DLG2: variants seen among roughly 807,000 people sequenced by gnomAD.
DLG2 encodes the protein disks large homolog 2.
In DLG2, 45 loss-of-function variants were observed where a neutral mutation model predicts 132.5. The ratio of observed to expected loss-of-function variants is 0.34; its 90% CI spans 0.27 to 0.44. DLG2 has a LOEUF of 0.44. Among genes scored for constraint, DLG2 ranks in the 20% least tolerant of loss-of-function variants. The pLI is 1.00. For synonymous variants in DLG2, 424 were observed against 419.6 expected (o/e 1.01, Z -0.13); for missense variants, 1,045 against 1,196.9 (o/e 0.87, Z 1.87).
At chr11:83,872,051 G>A (rs1348062005) in intron 16 of DLG2, among the ~76,000 whole-genome samples, 1 of 152,078 alleles carries the variant, frequency 6.6e-6, no homozygotes, top group Non-Finnish European at 1.5e-5. Context: ...AGATCACAAG[G>A]TCAGGCGTTT....
At chr11:83,841,900 C>T (rs1419396793) in intron 16 of DLG2, among the ~76,000 whole-genome samples, 4 of 152,120 alleles carry the variant, frequency 2.6e-5, no homozygotes, top group Admixed American at 6.5e-5. Flanking sequence ...TGTAAACAAA[C>T]GCTTATAGAA....
chr11:84,795,466 A>T (rs1367363643), intron 6 of DLG2, among the ~76,000 whole-genome samples: 2 of 152,116 alleles, frequency 1.3e-5, no homozygotes, highest in African/African-American at 4.8e-5. Context: ...GACACTCATC[A>T]GGATGACCTG....
chr11:84,527,232 C>T (rs1489773058), intron 7 of DLG2, among the ~76,000 whole-genome samples: 1 of 152,098 alleles, frequency 6.6e-6, no homozygotes, highest in South Asian at 2.1e-4. Flanking sequence ...TATGACCAGT[C>T]GGGGTTGGCC....
At chr11:84,168,309 T>C (rs2095719443) in intron 8 of DLG2, among the ~76,000 whole-genome samples, 1 of 152,234 alleles carries the variant, frequency 6.6e-6, no homozygotes. Context: ...TCTTTGTCGT[T>C]TACATAGATT....
At chr11:85,150,010 A>ATTTTTTTTTTTTGTTTTTTTT (rs2077120634) in intron 5 of DLG2, among the ~76,000 whole-genome samples, 1 of 112,310 alleles carries the variant, frequency 8.9e-6, no homozygotes, top group Non-Finnish European at 1.8e-5. Flanking sequence ...TCAGTTTTTA[A>ATTTTTTTTTTTTGTTTTTTTT]TTTTTTTTTT....
At chr11:84,788,661 C>T (rs1167195286) in intron 6 of DLG2, among the ~76,000 whole-genome samples, 1 of 151,932 alleles carries the variant, frequency 6.6e-6, no homozygotes, top group Non-Finnish European at 1.5e-5. Context: ...CTAAATAATA[C>T]AGTTAAAATT....
chr11:84,654,045 T>C (rs146145602), intron 6 of DLG2, among the ~76,000 whole-genome samples: 1 of 152,160 alleles, frequency 6.6e-6, no homozygotes, highest in Non-Finnish European at 1.5e-5. Context: ...TAATAGAATA[T>C]GAAGTGGTGT....
chr11:84,318,177 A>T (rs1002793237), intron 7 of DLG2, among the ~76,000 whole-genome samples: 1 of 152,194 alleles, frequency 6.6e-6, no homozygotes. Flanking sequence ...AAATGAGCTA[A>T]TTTTTTCTAA....
At chr11:83,761,011 C>G (rs1365298625) in intron 18 of DLG2, among the ~76,000 whole-genome samples, 2 of 152,116 alleles carry the variant, frequency 1.3e-5, no homozygotes, top group Non-Finnish European at 2.9e-5. Flanking sequence ...TTTTTCTTTT[C>G]AGATTTATGC....
chr11:84,561,472 T>C (rs566055526), intron 6 of DLG2, among the ~76,000 whole-genome samples: 1 of 152,282 alleles, frequency 6.6e-6, no homozygotes, highest in Non-Finnish European at 1.5e-5. Flanking sequence ...CCAAAGCTCT[T>C]GCTTTAAACT....
intron 6 of DLG2, among the ~76,000 whole-genome samples, chr11:84,756,367 A>G (rs2066877648): frequency 6.6e-6 from 1 of 152,218 alleles, no homozygotes; most frequent in Non-Finnish European, 1.5e-5. Flanking sequence ...CCAGCCCTTT[A>G]GAAATAACTG....
intron 3 of DLG2, among the ~76,000 whole-genome samples, chr11:85,356,975 T>C (rs906649655): frequency 3.9e-5 from 6 of 152,186 alleles, no homozygotes; most frequent in African/African-American, 1.4e-4. Flanking sequence ...TGGGTTCTTA[T>C]GTCAGTCAAA....
Position 84,497,782 on chromosome 11 carries a change from G to A in DLG2, c.519+36788C>T, listed in dbSNP as rs141202076. ...CTCTTATCAATGACATTCACATGCC[G>A]TTATACCTCCACTGAATGTCAGTTC... On this transcript the variant is annotated intron_variant, in intron 7 of 27. Transcript: ENST00000376104. 7.9e-5 allele frequency among the ~76,000 whole-genome samples: 12 copies of A among 152,220 alleles called. No individual in the cohort carries two copies. In the East Asian group the frequency reaches 2.3e-3, roughly 29 times the overall value.
At chr11:85,454,220 T>C (rs1383385564) in intron 3 of DLG2, among the ~76,000 whole-genome samples, 1 of 151,594 alleles carries the variant, frequency 6.6e-6, no homozygotes, top group Non-Finnish European at 1.5e-5. Flanking sequence ...ACTTTTTGAG[T>C]TTTAATAATG....
At chr11:83,968,596 T>G (rs2090713841) in intron 12 of DLG2, among the ~76,000 whole-genome samples, 1 of 152,198 alleles carries the variant, frequency 6.6e-6, no homozygotes, top group Non-Finnish European at 1.5e-5. Flanking sequence ...TTTAAAGTAT[T>G]TTACATATAT....
intron 6 of DLG2, among the ~76,000 whole-genome samples, chr11:84,860,868 G>T (rs530558764): frequency 6.6e-6 from 1 of 151,378 alleles, no homozygotes; most frequent in Non-Finnish European, 1.5e-5. Context: ...GCCATGAAAG[G>T]AAGGGGGGAG....
intron 6 of DLG2, among the ~76,000 whole-genome samples, chr11:84,807,411 A>T (rs931136585): frequency 6.6e-6 from 1 of 152,146 alleles, no homozygotes; most frequent in Non-Finnish European, 1.5e-5. Context: ...GTGCCATTGC[A>T]CTCCAGCCTG....
chr11:85,197,440 C>T (rs970060056), intron 4 of DLG2, among the ~76,000 whole-genome samples: 1 of 152,146 alleles, frequency 6.6e-6, no homozygotes, highest in Non-Finnish European at 1.5e-5. Context: ...CTTCTAGACT[C>T]ACACCAAGAA....
At chr11:83,889,939 A>G (rs899984760) in intron 15 of DLG2, among the ~76,000 whole-genome samples, 1 of 116,522 alleles carries the variant, frequency 8.6e-6, no homozygotes, top group African/African-American at 3.3e-5. Flanking sequence ...GAAGGGGAAC[A>G]TCACACTCTG....
Sources: gnomAD v4.1 joint callset for allele counts (sites outside exome capture counted in the v4.1 genomes callset) on GRCh38, gnomAD v4.1.1 for gene constraint, MANE v1.5 for transcripts, NCBI Gene and HGNC (gene_info 2026-07-23, HGNC 2026-07-21) for gene names.